PRKCZ: variants seen among roughly 807,000 people sequenced by gnomAD.
PRKCZ encodes the protein protein kinase C zeta type.
A neutral mutation model predicts 79.5 loss-of-function variants in PRKCZ; 33 were observed. The ratio of observed to expected loss-of-function variants is 0.41; its 90% CI spans 0.31 to 0.55. The LOEUF (loss-of-function observed/expected upper bound fraction) is 0.55. Ranked by LOEUF, PRKCZ falls within the 20% of genes least tolerant of loss-of-function variation. PRKCZ has a pLI of 0.19. For missense variants in PRKCZ, 578 were observed against 813.5 expected (o/e 0.71, Z 3.52); for synonymous variants, 342 against 320.9 (o/e 1.07, Z -0.70).
rs748765224 is a variant in PRKCZ, at chr1:2,094,959, C to T, written c.334+35368C>T. On this transcript the variant is annotated intron_variant, in intron 4 of 17. Transcript: ENST00000378567. This position sits in a 1 kb window ranked among gnomAD's most constrained non-coding sequence, Gnocchi z 7.3. ...ATGCCAGTTCTCTCCCTGCCCCCGC[C>T]GGCATGACACGGACACTGGTGCCCG... Among the ~76,000 whole-genome samples the T allele has an allele frequency of 2.0e-5, 3 of 152,172 alleles. No individual in the cohort carries two copies. Among genetic ancestry groups the T allele is most frequent in the African/African-American group, 7.2e-5 (3 of 41,392 alleles).
intron 4 of PRKCZ, among the ~76,000 whole-genome samples, chr1:2,083,980 C>T (rs564698167): frequency 6.6e-6 from 1 of 152,122 alleles, no homozygotes; most frequent in African/African-American, 2.4e-5. Context: ...GCCTGTAGTC[C>T]CAGCACTTTG....
intron 4 of PRKCZ, among the ~76,000 whole-genome samples, chr1:2,099,017 A>T (rs1487454930): frequency 6.6e-6 from 1 of 151,946 alleles, no homozygotes; most frequent in Admixed American, 6.5e-5. Context: ...GCCTGATCGC[A>T]TGCACCGTTG....
At chr1:2,176,106 C>T (rs1398283953) in intron 16 of PRKCZ, among the ~76,000 whole-genome samples, 2 of 152,070 alleles carry the variant, frequency 1.3e-5, no homozygotes, top group East Asian at 1.9e-4. Flanking sequence ...AATCTGATTT[C>T]GGTGGTGTGT....
chr1:2,168,317 G>T lies in PRKCZ; in HGVS notation c.975-1201G>T, dbSNP rs1230811471. The stretch of plus-strand genomic sequence containing the variant: ...GAGCAGTGGACCAGCGAGTCCCCAA[G>T]GACAAGGGCCAGGTTACCAGAGAAT... On this transcript the variant is annotated intron_variant, in intron 10 of 17. Coordinates refer to ENST00000378567, the MANE Select transcript of PRKCZ (RefSeq NM_002744.6). The surrounding 1 kb of genome is among the most constrained non-coding windows in gnomAD (Gnocchi z 4.7). Among the ~76,000 whole-genome samples the T allele has an allele frequency of 6.6e-6, 1 of 152,156 alleles. No individual in the cohort carries two copies. Among genetic ancestry groups the T allele is most frequent in the Non-Finnish European group, 1.5e-5 (1 of 68,034 alleles).
intron 4 of PRKCZ, among the ~76,000 whole-genome samples, chr1:2,079,573 G>A (rs943084905): frequency 2.6e-5 from 4 of 152,366 alleles, no homozygotes; most frequent in East Asian, 3.9e-4. Context: ...ATAAGTGAGC[G>A]TGATGGTAAA....
rs932396990 is a variant in PRKCZ at position 2,082,194 on chromosome 1, C to G, written c.334+22603C>G. On this transcript the variant is annotated intron_variant, in intron 4 of 17. Coordinates refer to ENST00000378567, the MANE Select transcript of PRKCZ (RefSeq NM_002744.6). This position sits in a 1 kb window ranked among gnomAD's most constrained non-coding sequence, Gnocchi z 4.4. Reference sequence around the variant, plus strand: ...GGTTCTTTGCAGCCCTTGGCAGCGTCGCCCGCTCTGTCCCGCCTGTTGTGT... The same window carrying G: ...GGTTCTTTGCAGCCCTTGGCAGCGTGGCCCGCTCTGTCCCGCCTGTTGTGT... The G allele has an allele frequency of 2.8e-6, 1 of 351,254 alleles. No individual in the cohort carries two copies. Among genetic ancestry groups the G allele is most frequent in the Non-Finnish European group, 5.6e-6 (1 of 178,736 alleles). 21.8% of individuals were successfully genotyped at this position (351,254 alleles called of 1,614,324 possible).
intron 4 of PRKCZ, among the ~76,000 whole-genome samples, chr1:2,088,302 G>A (rs1664891532): frequency 6.6e-6 from 1 of 152,064 alleles, no homozygotes; most frequent in Admixed American, 6.5e-5. Context: ...GCGCCCCATG[G>A]GGTCTGCACG....
chr1:2,147,005 TCCAG>T (rs909731739), intron 7 of PRKCZ, among the ~76,000 whole-genome samples: 3 of 151,802 alleles, frequency 2.0e-5, no homozygotes, highest in Non-Finnish European at 2.9e-5. Flanking sequence ...CATCTCGTCA[TCCAG>T]CCAGCCAGCC....
chr1:2,121,529 A>AT (rs1671918024), intron 4 of PRKCZ, among the ~76,000 whole-genome samples: 1 of 7,330 alleles, frequency 1.4e-4, no homozygotes, highest in African/African-American at 4.8e-4. Flanking sequence ...AGGTCATGGC[A>AT]GTAGTTAGGG....
rs79149962 is a variant in PRKCZ, at chr1:2,069,657, C to T, written c.334+10066C>T. On this transcript the variant is annotated intron_variant, in intron 4 of 17. Coordinates refer to ENST00000378567, the MANE Select transcript of PRKCZ (RefSeq NM_002744.6). The stretch of plus-strand genomic sequence containing the variant: ...GCCACTTCCCCTGGTGGGTGGTGGG[C>T]GGTCCCCTGAACCCTGGCAGTAAGC... 5.8e-3 allele frequency among the ~76,000 whole-genome samples: 884 copies of T among 152,252 alleles called. 7 individuals are homozygous for T. The highest frequency in any genetic ancestry group is 8.2e-3 in the Non-Finnish European group (557 of 68,008).
At chr1:2,088,808 AAC>A (rs1436078687) in intron 4 of PRKCZ, among the ~76,000 whole-genome samples, 1 of 152,220 alleles carries the variant, frequency 6.6e-6, no homozygotes, top group Non-Finnish European at 1.5e-5. Context: ...ATCTGAAAAA[AAC>A]ACAAATCAGT....
rs59687002 is a variant in PRKCZ, at chr1:2,055,295, G to T, written c.72-146G>T. On this transcript the variant is annotated intron_variant, in intron 1 of 17. Transcript: ENST00000378567. Reference sequence around the variant, plus strand: ...TGGTTAATGGTTCTATTTTGTGTGTGGGAGGGGGGAGGGGGTGGGGCTGTC... The same window carrying T: ...TGGTTAATGGTTCTATTTTGTGTGTTGGAGGGGGGAGGGGGTGGGGCTGTC... 0.01 allele frequency: 9,744 copies of T among 971,536 alleles called. 908 individuals are homozygous for T. The East Asian group carries it at 0.22, about 22-fold the overall frequency. 60.2% of individuals were successfully genotyped at this position (971,536 alleles called of 1,614,324 possible).
At position 2,062,514 on chromosome 1, in the gene PRKCZ, C is replaced by CG. The variant is rs138193954; in HGVS notation, c.334+2925dup. Among the ~76,000 whole-genome samples, 1,462 of 142,286 alleles carry CG rather than the reference C, an allele frequency of 0.01. 128 individuals are homozygous for CG. The East Asian group carries it at 0.2, about 20-fold the overall frequency. The allele number at this position is 142,286 out of a possible 152,430, so 93.3% of individuals were successfully genotyped here. ...TTTTTTTTTTTTGGCAGAGGGGGGA[C>CG]GGAGTTTTGTTCTGTCACCCAGGCT... On this transcript the variant is annotated intron_variant, in intron 4 of 17. Transcript: ENST00000378567.
intron 4 of PRKCZ, among the ~76,000 whole-genome samples, chr1:2,097,667 A>C (rs1042319888): frequency 6.6e-6 from 1 of 152,016 alleles, no homozygotes; most frequent in African/African-American, 2.4e-5. Context: ...CCCGGAAGGC[A>C]CGCCTCGCAC....
intron 4 of PRKCZ, among the ~76,000 whole-genome samples, chr1:2,099,131 G>A (rs1262417130): frequency 6.6e-6 from 1 of 152,082 alleles, no homozygotes; most frequent in Non-Finnish European, 1.5e-5. Context: ...GATATTCGTT[G>A]GAGAAGGAGC....
At chr1:2,113,399 G>T (rs1399760806) in intron 4 of PRKCZ, among the ~76,000 whole-genome samples, 4 of 152,258 alleles carry the variant, frequency 2.6e-5, no homozygotes, top group East Asian at 1.9e-4. Context: ...GGGCTTTGAG[G>T]GGGGCTCATC....
chr1:2,050,917 C>T (rs957029028), intron 1 of PRKCZ: 11 of 374,376 alleles, frequency 2.9e-5, no homozygotes, highest in African/African-American at 1.3e-4. Context: ...ACCGGGTTTC[C>T]CTGGGGTCGG....
rs140921003 is a variant in PRKCZ at position 2,180,379 on chromosome 1, AGAC to A, written c.1576-4200_1576-4198del. ...GGACACCCAGACGATGTGGACGCAC[AGAC>A]GACATGGACGCACAGACGATGTGGA... On this transcript the variant is annotated intron_variant, in intron 16 of 17. Coordinates refer to ENST00000378567, the MANE Select transcript of PRKCZ (RefSeq NM_002744.6). Among the ~76,000 whole-genome samples, 187 of 152,014 alleles carry A rather than the reference AGAC, an allele frequency of 1.2e-3. 1 individual carries two copies. The highest frequency in any genetic ancestry group is 2.1e-3 in the Non-Finnish European group (145 of 68,002).
chr1:2,181,176 C>T (rs1328621417), intron 16 of PRKCZ, among the ~76,000 whole-genome samples: 4 of 152,126 alleles, frequency 2.6e-5, no homozygotes, highest in Admixed American at 2.0e-4. Flanking sequence ...AGCCTCCTCC[C>T]CCTCAGCCCC....
Sources: allele counts gnomAD v4.1 joint callset (sites outside exome capture counted in the v4.1 genomes callset), GRCh38; gene constraint gnomAD v4.1.1; non-coding constraint Gnocchi (gnomAD v3.1); transcripts MANE v1.5; gene names NCBI Gene and HGNC (gene_info 2026-07-23, HGNC 2026-07-21).